The following TEAD1 variants were observed in gnomAD, a reference collection of about 807,000 sequenced individuals.
TEAD1 encodes the protein TEA domain transcription factor 1.
In TEAD1, 9 loss-of-function variants were observed where a neutral mutation model predicts 54.9. The observed-to-expected ratio is 0.16, with a 90% CI of 0.10 to 0.29. TEAD1 has a LOEUF of 0.29. Ranked by LOEUF, TEAD1 falls within the 10% of genes least tolerant of loss-of-function variation. The pLI is 1.00. For synonymous variants in TEAD1, 200 were observed against 187.8 expected (o/e 1.07, Z -0.53); for missense variants, 387 against 535.9 (o/e 0.72, Z 2.74).
intron 3 of TEAD1, among the ~76,000 whole-genome samples, chr11:12,841,224 T>C (rs763163501): frequency 6.6e-6 from 1 of 152,216 alleles, no homozygotes; most frequent in Non-Finnish European, 1.5e-5. Flanking sequence ...GCGTCTCTTA[T>C]ACACCATGGA....
chr11:12,761,350 C>T (rs1217857259), intron 2 of TEAD1, among the ~76,000 whole-genome samples: 1 of 152,188 alleles, frequency 6.6e-6, no homozygotes, highest in Non-Finnish European at 1.5e-5. Flanking sequence ...CAAAGTGGAT[C>T]TACATCCTTC....
At chr11:12,936,873 T>C (rs1189581492) in intron 12 of TEAD1, among the ~76,000 whole-genome samples, 4 of 152,220 alleles carry the variant, frequency 2.6e-5, no homozygotes, top group Non-Finnish European at 5.9e-5. Flanking sequence ...TTCTTGGGCA[T>C]AGATTATGAG....
intron 10 of TEAD1, among the ~76,000 whole-genome samples, chr11:12,907,920 G>T (rs1948548091): frequency 6.6e-6 from 1 of 152,194 alleles, no homozygotes; most frequent in Non-Finnish European, 1.5e-5. Context: ...TCACTTAAAT[G>T]GAAGCTAATG....
At position 12,937,192 on chromosome 11, in the gene TEAD1, A is replaced by T. The variant is rs1226085183; in HGVS notation, c.1251A>T (p.Gln417His). ...TTTCAAATAGTGAACACGGAGCACA[A>T]CATCATATTTACAGGCTTGTAAAGG... is the stretch of plus-strand genomic sequence containing the variant. Residue 417 changes from glutamine (Q) to histidine (H), a missense_variant, in exon 13 of 13, where the codon CAA becomes CAT. Physicochemically the swap from Gln to His is conservative, Grantham distance 24 (BLOSUM62 0). Around this residue, in one of 5 missense-constraint regions of TEAD1, gnomAD observed 123 missense variants for 199.0 expected, o/e 0.62. Coordinates refer to ENST00000527636, the MANE Select transcript of TEAD1 (RefSeq NM_021961.6). 1.2e-6 allele frequency: 2 copies of T among 1,614,032 alleles called. No homozygotes were observed. Among genetic ancestry groups the T allele is most frequent in the Non-Finnish European group, 1.7e-6 (2 of 1,179,904 alleles).
chr11:12,855,155 T>C (rs1947352467), intron 3 of TEAD1, among the ~76,000 whole-genome samples: 1 of 152,216 alleles, frequency 6.6e-6, no homozygotes, highest in Admixed American at 6.5e-5. Flanking sequence ...TTCAGGAAGA[T>C]GGATGGGGAG....
At chr11:12,747,349 T>G (rs1318059705) in intron 2 of TEAD1, among the ~76,000 whole-genome samples, 1 of 152,140 alleles carries the variant, frequency 6.6e-6, no homozygotes. Flanking sequence ...TTTTATTTAT[T>G]TTTTGAGACG....
chr11:12,753,771 C>T (rs1423762691), intron 2 of TEAD1, among the ~76,000 whole-genome samples: 1 of 152,162 alleles, frequency 6.6e-6, no homozygotes, highest in Admixed American at 6.5e-5. Context: ...GTTTTTCCCT[C>T]CTGATTAGTG....
At chr11:12,914,937 A>G (rs1948683842) in intron 10 of TEAD1, among the ~76,000 whole-genome samples, 1 of 152,252 alleles carries the variant, frequency 6.6e-6, no homozygotes, top group Admixed American at 6.5e-5. Flanking sequence ...TCACAATTTG[A>G]AATCTTGGTT....
chr11:12,818,734 T>G, intron 3 of TEAD1, among the ~76,000 whole-genome samples: 1 of 152,198 alleles, frequency 6.6e-6, no homozygotes, highest in East Asian at 1.9e-4. Flanking sequence ...TAGTGTGAAA[T>G]TGTCCGCAGG....
chr11:12,806,018 A>G (rs1200005168), intron 3 of TEAD1, among the ~76,000 whole-genome samples: 3 of 152,202 alleles, frequency 2.0e-5, no homozygotes, highest in Admixed American at 2.0e-4. Flanking sequence ...TCATGTTTAA[A>G]TGTAGACAAA....
In TEAD1 at chr11:12,864,820, C is replaced by T. The variant is rs1947583241; in HGVS notation, c.268-18C>T. On this transcript the variant is annotated intron_variant, in intron 4 of 12. Coordinates refer to ENST00000527636, the MANE Select transcript of TEAD1 (RefSeq NM_021961.6). The stretch of plus-strand genomic sequence containing the variant: ...TACAGGCTTTTCCTTTGTTTTCCTC[C>T]CTTCCCCTACCCTGCAGGTGTCTAG... 6.2e-7 allele frequency: 1 copy of T among 1,613,848 alleles called. No homozygotes were observed. The highest frequency in any genetic ancestry group is 1.7e-5 in the Admixed American group (1 of 59,978).
intron 11 of TEAD1, 74 bp downstream of exon 11, chr11:12,925,126 C>T: frequency 1.9e-6 from 3 of 1,554,728 alleles, no homozygotes; most frequent in Non-Finnish European, 8.8e-7. Flanking sequence ...TTCCTTGGGG[C>T]AGAGAGTTGT....
intron 12 of TEAD1, among the ~76,000 whole-genome samples, chr11:12,933,029 A>G (rs1210431644): frequency 6.6e-6 from 1 of 152,206 alleles, no homozygotes; most frequent in Non-Finnish European, 1.5e-5. Flanking sequence ...AGGCTACACC[A>G]TATAGCCTAG....
At chr11:12,833,663 A>G (rs1946827073) in intron 3 of TEAD1, among the ~76,000 whole-genome samples, 1 of 152,108 alleles carries the variant, frequency 6.6e-6, no homozygotes, top group South Asian at 2.1e-4. Flanking sequence ...CCTACAGGAT[A>G]AAGTTTTCAT....
intron 2 of TEAD1, among the ~76,000 whole-genome samples, chr11:12,707,937 T>C (rs1041165361): frequency 6.6e-5 from 10 of 152,240 alleles, no homozygotes; most frequent in African/African-American, 2.2e-4. Context: ...AACAATTTTT[T>C]CTCTGCAGAG....
At chr11:12,918,964 G>C (rs1159542184) in intron 10 of TEAD1, among the ~76,000 whole-genome samples, 1 of 152,206 alleles carries the variant, frequency 6.6e-6, no homozygotes, top group Non-Finnish European at 1.5e-5. Flanking sequence ...GGTTACGCTG[G>C]CAAGGTGTAT....
intron 10 of TEAD1, among the ~76,000 whole-genome samples, chr11:12,913,616 TA>T (rs34262352): frequency 0.17 from 26,259 of 152,220 alleles, 2,501 homozygotes; most frequent in Non-Finnish European, 0.22. Flanking sequence ...GGTTTCTTGA[TA>T]AGTAGAGTTG....
At chr11:12,687,145 A>T (rs1355849265) in intron 2 of TEAD1, among the ~76,000 whole-genome samples, 3 of 152,206 alleles carry the variant, frequency 2.0e-5, no homozygotes, top group African/African-American at 4.8e-5. Context: ...TCTTTGGTTT[A>T]TCTTTCTGGG....
chr11:12,733,171 G>A, intron 2 of TEAD1, among the ~76,000 whole-genome samples: 1 of 152,212 alleles, frequency 6.6e-6, no homozygotes, highest in African/African-American at 2.4e-5. Context: ...GGGTTGTTGT[G>A]AAACACACAT....
Sources: allele counts gnomAD v4.1 joint callset (sites outside exome capture counted in the v4.1 genomes callset), GRCh38; gene constraint gnomAD v4.1.1; regional missense constraint gnomAD v4.1.1; transcripts MANE v1.5; gene names NCBI Gene and HGNC (gene_info 2026-07-23, HGNC 2026-07-21).